Variants in GRIK3 observed in about 807,000 individuals in gnomAD.
GRIK3 encodes the protein glutamate ionotropic receptor kainate type subunit 3.
Under a neutral mutation model 102.5 loss-of-function variants are expected in GRIK3, and 29 were observed. The observed-to-expected ratio is 0.28, with a 90% CI of 0.21 to 0.39. The LOEUF (loss-of-function observed/expected upper bound fraction) is 0.39. Among genes scored for constraint, GRIK3 ranks in the 10% least tolerant of loss-of-function variants. The pLI is 1.00. For synonymous variants in GRIK3, 511 were observed against 504.9 expected (o/e 1.01, Z -0.16); for missense variants, 908 against 1,252.4 (o/e 0.73, Z 4.15).
chr1:37,008,089 A>G (rs1181288212), intron 1 of GRIK3, among the ~76,000 whole-genome samples: 1 of 152,102 alleles, frequency 6.6e-6, no homozygotes, highest in African/African-American at 2.4e-5. Flanking sequence ...TGACCACCAC[A>G]TATGTCCCCT....
intron 8 of GRIK3, among the ~76,000 whole-genome samples, chr1:36,852,418 G>A (rs933747545): frequency 1.3e-5 from 2 of 152,234 alleles, no homozygotes; most frequent in African/African-American, 4.8e-5. Flanking sequence ...GAGGGAGGGA[G>A]CATGATGGGG....
intron 1 of GRIK3, among the ~76,000 whole-genome samples, chr1:37,016,987 G>A (rs1474130742): frequency 2.0e-5 from 3 of 152,118 alleles, no homozygotes; most frequent in Non-Finnish European, 4.4e-5. Flanking sequence ...GACCAAGGCA[G>A]GTGGATCACC....
chr1:37,030,152 G>A (rs981796703), intron 1 of GRIK3, among the ~76,000 whole-genome samples: 1 of 152,208 alleles, frequency 6.6e-6, no homozygotes, highest in Non-Finnish European at 1.5e-5. Flanking sequence ...AAGGCCCCGC[G>A]GGCCACTCCC....
At chr1:36,807,458 C>G (rs963730844) in intron 13 of GRIK3, among the ~76,000 whole-genome samples, 1 of 152,190 alleles carries the variant, frequency 6.6e-6, no homozygotes, top group Non-Finnish European at 1.5e-5. Flanking sequence ...CTGTGTCTGT[C>G]TGTGATGTCA....
chr1:36,819,734 A>C lies in GRIK3; in HGVS notation c.1873+2T>G. The C allele has an allele frequency of 6.8e-7, 1 of 1,461,508 alleles. No homozygotes were observed. Among genetic ancestry groups the C allele is most frequent in the Non-Finnish European group, 9.6e-7 (1 of 1,040,922 alleles). 90.5% of individuals were successfully genotyped at this position (1,461,508 alleles called of 1,614,324 possible). ...GGGGAGGCCCTGGGAGAGGGTGCAT[A>C]CCTTGCTGCATCAGGGATCCCATTC... On this transcript the variant is annotated splice_donor_variant, in intron 12 of 15. Coordinates refer to ENST00000373091, the MANE Select transcript of GRIK3 (RefSeq NM_000831.4). LOFTEE classifies it high-confidence loss of function. This position sits in a 1 kb window ranked among gnomAD's most constrained non-coding sequence, Gnocchi z 4.1.
Position 36,804,825 on chromosome 1 carries a change from C to G in GRIK3, c.2565+162G>C, listed in dbSNP as rs185686447. On this transcript the variant is annotated intron_variant, in intron 15 of 15. Coordinates refer to ENST00000373091, the MANE Select transcript of GRIK3 (RefSeq NM_000831.4). ...ACGGCGATGGAAAAAAGTGCCAGGT[C>G]AGGACAGAGGTAGAGTGGCAGGGCT... 2.2e-4 allele frequency: 199 copies of G among 902,316 alleles called. 1 individual carries two copies. The African/African-American group carries it at 2.9e-3, about 13-fold the overall frequency. 55.9% of individuals were successfully genotyped at this position (902,316 alleles called of 1,614,324 possible).
chr1:36,913,439 G>A (rs1039898467), intron 1 of GRIK3, among the ~76,000 whole-genome samples: 2 of 152,114 alleles, frequency 1.3e-5, no homozygotes, highest in South Asian at 2.1e-4. Context: ...TTCCATCCTC[G>A]TCTGTTGTAA....
intron 11 of GRIK3, among the ~76,000 whole-genome samples, chr1:36,822,500 C>T (rs553389283): frequency 5.3e-5 from 8 of 152,202 alleles, no homozygotes; most frequent in African/African-American, 9.6e-5. Context: ...GGTCGCAGGA[C>T]GAGGAGGGAA....
chr1:36,894,165 G>A lies in GRIK3; in HGVS notation c.116-3069C>T, dbSNP rs1457622953. Among the ~76,000 whole-genome samples the A allele has an allele frequency of 2.0e-5, 3 of 152,110 alleles. No homozygotes were observed. The East Asian group carries it at 5.8e-4, about 29-fold the overall frequency. ...GTAAGAATCCCCGTGCCCATTTACA[G>A]TCAATTATAGTTTTCATTCCCACTC... is the stretch of plus-strand genomic sequence containing the variant. On this transcript the variant is annotated intron_variant, in intron 1 of 15. Transcript: ENST00000373091.
intron 4 of GRIK3, among the ~76,000 whole-genome samples, chr1:36,870,825 A>C (rs542816714): frequency 6.6e-6 from 1 of 152,070 alleles, no homozygotes; most frequent in Non-Finnish European, 1.5e-5. Context: ...GTGTGGTGAT[A>C]AATGAGGAGC....
chr1:36,981,397 G>A (rs1370169797), intron 1 of GRIK3, among the ~76,000 whole-genome samples: 2 of 152,190 alleles, frequency 1.3e-5, no homozygotes, highest in Non-Finnish European at 2.9e-5. Flanking sequence ...AGGGGGCAGT[G>A]AGCCAGCCAG....
intron 1 of GRIK3, among the ~76,000 whole-genome samples, chr1:36,970,651 T>G (rs1642130645): frequency 6.6e-6 from 1 of 152,172 alleles, no homozygotes; most frequent in African/African-American, 2.4e-5. Flanking sequence ...CAGCTTGTCT[T>G]GGAGAACTGG....
In GRIK3 at chr1:36,883,545, C is replaced by T. The variant is rs189792250; in HGVS notation, c.293-2654G>A. 3.0e-4 allele frequency among the ~76,000 whole-genome samples: 45 copies of T among 152,302 alleles called. No individual in the cohort carries two copies. The Middle Eastern group carries it at 0.017, about 58-fold the overall frequency. On this transcript the variant is annotated intron_variant, in intron 2 of 15. Coordinates refer to ENST00000373091, the MANE Select transcript of GRIK3 (RefSeq NM_000831.4). ...GGAAGACAGACCCAAGGAAGAGGCC[C>T]ACGCATGTCCTAGAAGTGGGCTCAG...
intron 5 of GRIK3, among the ~76,000 whole-genome samples, chr1:36,860,341 G>A (rs1055784199): frequency 3.9e-5 from 6 of 152,180 alleles, no homozygotes; most frequent in Non-Finnish European, 8.8e-5. Context: ...AGCCTCACAT[G>A]CAGAGGAAGC....
At chr1:36,998,735 A>G (rs1216322003) in intron 1 of GRIK3, among the ~76,000 whole-genome samples, 1 of 152,138 alleles carries the variant, frequency 6.6e-6, no homozygotes, top group Non-Finnish European at 1.5e-5. Flanking sequence ...TGCTCTTCCC[A>G]GGGTCCCATA....
intron 1 of GRIK3, among the ~76,000 whole-genome samples, chr1:36,967,530 T>C (rs1642093359): frequency 1.3e-5 from 2 of 152,122 alleles, no homozygotes; most frequent in Admixed American, 1.3e-4. Flanking sequence ...CCACAGCCTA[T>C]GGTCTGGAAA....
chr1:36,973,644 G>A (rs972025788), intron 1 of GRIK3, among the ~76,000 whole-genome samples: 3 of 150,974 alleles, frequency 2.0e-5, no homozygotes, highest in African/African-American at 7.3e-5. Context: ...GGTCAGACTG[G>A]TCTTGAACTC....
chr1:36,959,508 A>AGT (rs201520795), intron 1 of GRIK3, among the ~76,000 whole-genome samples: 7 of 100,216 alleles, frequency 7.0e-5, no homozygotes, highest in African/African-American at 7.1e-5. Context: ...GTGCCCTGTG[A>AGT]CTGTGTGCCC....
chr1:36,904,047 G>A (rs972280914), intron 1 of GRIK3, among the ~76,000 whole-genome samples: 8 of 152,184 alleles, frequency 5.3e-5, no homozygotes, highest in Admixed American at 2.0e-4. Flanking sequence ...GATAATGGAG[G>A]AGGCTATGCA....
Sources: allele counts gnomAD v4.1 joint callset (sites outside exome capture counted in the v4.1 genomes callset), GRCh38; gene constraint gnomAD v4.1.1; non-coding constraint Gnocchi (gnomAD v3.1); transcripts MANE v1.5; gene names NCBI Gene and HGNC (gene_info 2026-07-23, HGNC 2026-07-21).